The following THAP10 variants were observed in gnomAD, a reference collection of about 807,000 sequenced individuals.
THAP10 encodes THAP domain-containing protein 10.
THAP10 carries 10 observed loss-of-function variants against 15.7 expected under a neutral mutation model. The ratio of observed to expected loss-of-function variants is 0.64; its 90% confidence interval spans 0.39 to 1.08. The LOEUF (loss-of-function observed/expected upper bound fraction) is 1.08. THAP10 is among the 50% of genes least tolerant of loss of function. The probability of loss-of-function intolerance (pLI) is 0.01; values close to 1 mark genes in which losing one functional copy is unlikely to be tolerated. For synonymous variants in THAP10, 127 were observed against 129.1 expected (o/e 0.98, Z 0.11); for missense variants, 310 against 330.9 (o/e 0.94, Z 0.49).
intron 1 of THAP10, among the ~76,000 whole-genome samples, chr15:70,888,887 T>C (rs558015908): frequency 2.6e-5 from 4 of 152,266 alleles, no homozygotes; most frequent in African/African-American, 9.6e-5. Flanking sequence ...AATCGGGGGA[T>C]GAAAAGCAAA....
At chr15:70,889,556 T>C (rs1179293968) in intron 1 of THAP10, among the ~76,000 whole-genome samples, 1 of 152,192 alleles carries the variant, frequency 6.6e-6, no homozygotes, top group Non-Finnish European at 1.5e-5. Context: ...TTTGCTATAG[T>C]TCAAGTCAAC....
At position 70,881,450 on chromosome 15, in the gene THAP10, G is replaced by C. The variant is rs2033262019; in HGVS notation, c.*1004C>G. On this transcript the variant is annotated 3_prime_UTR_variant, in exon 3 of 3. Transcript: ENST00000249861. The stretch of plus-strand genomic sequence containing the variant: ...CCTTCTAGGATAAAAATACATGCAA[G>C]TTCTTCTAATCATTCAGAACTAAGA... 6.6e-6 allele frequency: 1 copy of C among 152,124 alleles called. No individual in the cohort carries two copies. The highest frequency in any genetic ancestry group is 6.5e-5 in the Admixed American group (1 of 15,290). The allele number at this position is 152,124 out of a possible 1,614,324, so 9.4% of individuals were successfully genotyped here.
In THAP10 at chr15:70,892,277, G is replaced by T; in HGVS notation, c.-5C>A. On this transcript the variant is annotated 5_prime_UTR_variant, in exon 1 of 3. Transcript: ENST00000249861. ...GGCCACACAACGGGCCGGCATGGCG[G>T]CCGTCTTCGGTGCGCGGGAGCCGGG... 1.9e-6 allele frequency: 3 copies of T among 1,559,020 alleles called. No individual in the cohort carries two copies. The highest frequency in any genetic ancestry group is 2.4e-5 in the East Asian group (1 of 41,600).
chr15:70,882,720 ATCAAT>A (rs751696400), intron 2 of THAP10, 36 bp downstream of exon 2: 179 of 1,612,994 alleles, frequency 1.1e-4, no homozygotes, highest in Non-Finnish European at 9.6e-5. Flanking sequence ...TATACGAAAG[ATCAAT>A]TCAATTGCTT....
intron 1 of THAP10, among the ~76,000 whole-genome samples, chr15:70,886,744 T>C (rs1440493291): frequency 6.6e-6 from 1 of 152,068 alleles, no homozygotes; most frequent in South Asian, 2.1e-4. Context: ...CAGGCACCTG[T>C]AATCCCAGCT....
At chr15:70,885,289 A>G (rs1201781020) in intron 1 of THAP10, among the ~76,000 whole-genome samples, 1 of 152,206 alleles carries the variant, frequency 6.6e-6, no homozygotes, top group Non-Finnish European at 1.5e-5. Context: ...AAAGTATAAC[A>G]TAAAATGGGG....
At chr15:70,888,161 C>T (rs948719531) in intron 1 of THAP10, among the ~76,000 whole-genome samples, 5 of 152,056 alleles carry the variant, frequency 3.3e-5, no homozygotes, top group Non-Finnish European at 7.4e-5. Context: ...TCGTGAGTAA[C>T]TTGTGAAAAT....
At chr15:70,888,257 A>G (rs901010331) in intron 1 of THAP10, among the ~76,000 whole-genome samples, 4 of 152,188 alleles carry the variant, frequency 2.6e-5, no homozygotes, top group Admixed American at 6.5e-5. Flanking sequence ...GGTAAGAGGT[A>G]TTAATCAATT....
intron 1 of THAP10, among the ~76,000 whole-genome samples, chr15:70,891,609 G>A (rs940061073): frequency 1.4e-5 from 2 of 138,420 alleles, no homozygotes; most frequent in African/African-American, 5.6e-5. Flanking sequence ...GTGTGTGTGT[G>A]TGTGTGTGTG....
chr15:70,882,681 G>T (rs754847885), intron 2 of THAP10, 31 bp from the exon 3 acceptor site: 23 of 1,611,066 alleles, frequency 1.4e-5, no homozygotes, highest in Non-Finnish European at 2.0e-5. Flanking sequence ...GTACCTATGA[G>T]TTAGACTTTG....
At chr15:70,883,636 AT>A (rs2033325467) in intron 1 of THAP10, among the ~76,000 whole-genome samples, 1 of 148,542 alleles carries the variant, frequency 6.7e-6, no homozygotes, top group Admixed American at 6.7e-5. Flanking sequence ...GAAAAACTAC[AT>A]TGTGAAATGG....
chr15:70,886,187 G>A (rs562156665), intron 1 of THAP10, among the ~76,000 whole-genome samples: 2 of 152,194 alleles, frequency 1.3e-5, no homozygotes, highest in African/African-American at 4.8e-5. Flanking sequence ...GTTAGGTGGG[G>A]ACTTATAATC....
intron 1 of THAP10, among the ~76,000 whole-genome samples, chr15:70,885,999 T>C (rs1000247061): frequency 2.0e-5 from 3 of 152,148 alleles, no homozygotes. Flanking sequence ...AGTAGTGTAA[T>C]TGACCTAGAA....
At chr15:70,886,586 G>A (rs1174764402) in intron 1 of THAP10, among the ~76,000 whole-genome samples, 2 of 152,154 alleles carry the variant, frequency 1.3e-5, no homozygotes, top group African/African-American at 2.4e-5. Flanking sequence ...TTGATAAACC[G>A]GTGGGGTGCG....
At chr15:70,883,004 T>C (rs1452657004) in intron 1 of THAP10, 96 bp from the exon 2 acceptor site, 5 of 1,299,164 alleles carry the variant, frequency 3.8e-6, no homozygotes, top group African/African-American at 1.5e-5. Flanking sequence ...TAGCTGAAAA[T>C]TTTCAGTCAC....
intron 1 of THAP10, among the ~76,000 whole-genome samples, chr15:70,883,675 G>A (rs1162763653): frequency 6.7e-6 from 1 of 149,920 alleles, no homozygotes; most frequent in South Asian, 2.1e-4. Context: ...TGAGACAGGG[G>A]TCTCCCTCTG....
intron 1 of THAP10, among the ~76,000 whole-genome samples, chr15:70,883,278 G>A (rs183380034): frequency 2.6e-5 from 4 of 151,620 alleles, no homozygotes; most frequent in East Asian, 1.9e-4. Context: ...TGCAATCTCC[G>A]CCTGCCGGGT....
intron 1 of THAP10, among the ~76,000 whole-genome samples, chr15:70,887,157 CTGTCT>C (rs1485054114): frequency 2.0e-5 from 3 of 152,194 alleles, no homozygotes; most frequent in East Asian, 1.9e-4. Flanking sequence ...AGGAAAACTC[CTGTCT>C]TATCAATGAG....
In THAP10 at chr15:70,882,028, C is replaced by T. The variant is rs1044690026; in HGVS notation, c.*426G>A. On this transcript the variant is annotated 3_prime_UTR_variant, in exon 3 of 3. Coordinates refer to ENST00000249861, the MANE Select transcript of THAP10 (RefSeq NM_020147.4). Reference sequence around the variant, plus strand: ...AATCATTTAGTAGTGTCAGGCTTGGCTGTGCTCACTGTTACTGTGTTACTG... The same window carrying T: ...AATCATTTAGTAGTGTCAGGCTTGGTTGTGCTCACTGTTACTGTGTTACTG... 1.9e-5 allele frequency: 3 copies of T among 156,134 alleles called. No homozygotes were observed. The highest frequency in any genetic ancestry group is 4.2e-5 in the Non-Finnish European group (3 of 70,602). The allele number at this position is 156,134 out of a possible 1,614,324, so 9.7% of individuals were successfully genotyped here.
Sources: gnomAD v4.1 joint callset for allele counts (sites outside exome capture counted in the v4.1 genomes callset) on GRCh38, gnomAD v4.1.1 for gene constraint, MANE v1.5 for transcripts, NCBI Gene and HGNC (gene_info 2026-07-23, HGNC 2026-07-21) for gene names.